IL17RD: variants seen among roughly 807,000 people sequenced by gnomAD.
IL17RD encodes the protein interleukin-17 receptor D.
In IL17RD, 52 loss-of-function variants were observed where a neutral mutation model predicts 80.5. The ratio of observed to expected loss-of-function variants is 0.65; its 90% CI spans 0.52 to 0.81. The LOEUF (loss-of-function observed/expected upper bound fraction) is 0.81. Ranked by LOEUF, IL17RD falls within the 40% of genes least tolerant of loss-of-function variation. The pLI is 0.00. For missense variants in IL17RD, 1,024 were observed against 955.1 expected (o/e 1.07, Z -0.95); for synonymous variants, 416 against 391.8 (o/e 1.06, Z -0.73).
At position 57,104,333 on chromosome 3, in the gene IL17RD, T is replaced by C. The variant is rs1266089755; in HGVS notation, c.813+9A>G. 2 of 1,589,722 alleles carry C rather than the reference T, an allele frequency of 1.3e-6. No homozygotes were observed. The highest frequency in any genetic ancestry group is 2.2e-5 in the East Asian group (1 of 44,794). On this transcript the variant is annotated intron_variant, in intron 8 of 12. Transcript: ENST00000296318. ...TAGCATTAATAGGGCTTTCTTGTGT[T>C]ATGCATACCTCAATTATATAATCCC...
At position 57,098,071 on chromosome 3, in the gene IL17RD, G is replaced by A. The variant is rs1479989426; in HGVS notation, c.1632C>T (p.Val544=). ...FRSKSGRSLY[V]AICNMHQFID... ...TAAACTGGTGCATGTTGCAAATGGC[G>A]ACGTATAGGGACCGGCCTGACTTGC... The change falls in exon 12 of 13, where the codon GTC becomes GTT. Residue 544 remains valine (V), a synonymous_variant. Transcript: ENST00000296318. The A allele has an allele frequency of 1.9e-6, 3 of 1,613,980 alleles. No homozygotes were observed. The highest frequency in any genetic ancestry group is 2.2e-5 in the South Asian group (2 of 91,074).
intron 10 of IL17RD, 57 bp from the exon 11 acceptor site, chr3:57,101,420 C>T (rs1013763552): frequency 1.5e-5 from 18 of 1,211,724 alleles, no homozygotes; most frequent in Non-Finnish European, 2.1e-5. Context: ...GTTCTATTTC[C>T]TAAGAATTGA....
At chr3:57,135,196 G>A (rs1368997903) in intron 1 of IL17RD, among the ~76,000 whole-genome samples, 2 of 152,216 alleles carry the variant, frequency 1.3e-5, no homozygotes, top group Non-Finnish European at 2.9e-5. Context: ...AAGCTGTCAG[G>A]TGAGCAGCAC....
chr3:57,125,181 C>T (rs537728407), intron 1 of IL17RD, among the ~76,000 whole-genome samples: 25 of 152,164 alleles, frequency 1.6e-4, no homozygotes, highest in East Asian at 1.9e-4. Context: ...CCAAGGCGGC[C>T]GGATCACCCG....
intron 1 of IL17RD, among the ~76,000 whole-genome samples, chr3:57,159,115 T>C (rs906740347): frequency 6.8e-6 from 1 of 147,804 alleles, no homozygotes; most frequent in African/African-American, 2.5e-5. Flanking sequence ...ACAATGTCGA[T>C]ATCTCTTCTT....
rs556415066 is a variant in IL17RD at position 57,155,816 on chromosome 3, C to T, written c.126+9345G>A. On this transcript the variant is annotated intron_variant, in intron 1 of 12. Transcript: ENST00000296318. ...ATGTTGGCCAGGCTGGTCTTGAACTCCTGACCTCAGGTGATCCGCCTGCCT... is the reference window on the plus strand; with the variant it reads ...ATGTTGGCCAGGCTGGTCTTGAACTTCTGACCTCAGGTGATCCGCCTGCCT... 2.0e-5 allele frequency among the ~76,000 whole-genome samples: 3 copies of T among 152,262 alleles called. No individual in the cohort carries two copies. The East Asian group carries it at 5.8e-4, about 29-fold the overall frequency.
intron 9 of IL17RD, 109 bp from the exon 10 acceptor site, chr3:57,102,698 T>C (rs1467270861): frequency 1.2e-5 from 6 of 503,232 alleles, no homozygotes; most frequent in African/African-American, 9.7e-5. Context: ...TCTAGGACCA[T>C]GCAACCACCT....
At chr3:57,166,446 A>G (rs2060348466), upstream of IL17RD, among the ~76,000 whole-genome samples, 1 of 152,156 alleles carries the variant, frequency 6.6e-6, no homozygotes, top group Non-Finnish European at 1.5e-5. Flanking sequence ...GGTAACAGTG[A>G]GCTATGATCC....
intron 10 of IL17RD, 99 bp from the exon 11 acceptor site, chr3:57,101,462 C>A: frequency 1.4e-6 from 1 of 732,136 alleles, no homozygotes; most frequent in East Asian, 2.7e-5. Context: ...AAGAACACGT[C>A]TACCTAGAGC....
intron 1 of IL17RD, among the ~76,000 whole-genome samples, chr3:57,132,245 G>T (rs537856279): frequency 1.4e-4 from 21 of 151,960 alleles, no homozygotes; most frequent in Admixed American, 9.2e-4. Context: ...GGCCGAAGTT[G>T]GGGGATCACA....
intron 11 of IL17RD, among the ~76,000 whole-genome samples, chr3:57,099,000 A>G (rs1305967015): frequency 6.6e-6 from 1 of 152,212 alleles, no homozygotes; most frequent in Non-Finnish European, 1.5e-5. Flanking sequence ...GAGGATGTGG[A>G]TGAGTGACTC....
rs1397702793 is a variant in IL17RD at position 57,105,581 on chromosome 3, A to C, written c.747+276T>G. On this transcript the variant is annotated intron_variant, in intron 7 of 12. Transcript: ENST00000296318. Reference sequence around the variant, plus strand: ...TATATATATATATATTTGTTCATACATATATATGAACAAATGAGAAATACT... The same window carrying C: ...TATATATATATATATTTGTTCATACCTATATATGAACAAATGAGAAATACT... 3.4e-5 allele frequency among the ~76,000 whole-genome samples: 5 copies of C among 145,028 alleles called. No individual in the cohort carries two copies. In the East Asian group the frequency reaches 9.7e-4, roughly 28 times the overall value.
intron 11 of IL17RD, among the ~76,000 whole-genome samples, chr3:57,098,850 C>A (rs1706762679): frequency 6.6e-6 from 1 of 152,250 alleles, no homozygotes; most frequent in Non-Finnish European, 1.5e-5. Context: ...GCCCAAGTCA[C>A]ACCCTACATA....
intron 1 of IL17RD, among the ~76,000 whole-genome samples, chr3:57,152,520 G>A (rs200776960): frequency 1.3e-5 from 2 of 152,186 alleles, no homozygotes; most frequent in South Asian, 2.1e-4. Flanking sequence ...CTGCGCCCTC[G>A]TAGTCTCTCT....
At chr3:57,114,306 C>CT (rs1298378932) in intron 3 of IL17RD, among the ~76,000 whole-genome samples, 8 of 152,132 alleles carry the variant, frequency 5.3e-5, no homozygotes, top group African/African-American at 1.9e-4. Context: ...GCTGGCATGT[C>CT]TCTGTGTCCG....
At position 57,157,972 on chromosome 3, in the gene IL17RD, C is replaced by G. The variant is rs145439678; in HGVS notation, c.126+7189G>C. 2.1e-3 allele frequency among the ~76,000 whole-genome samples: 326 copies of G among 152,192 alleles called. 2 individuals are homozygous for G. The highest frequency in any genetic ancestry group is 7.6e-3 in the African/African-American group (314 of 41,532). The stretch of plus-strand genomic sequence containing the variant: ...ACCAAACAGAACACTTGGAAAAACT[C>G]CTAGTTTTGAAGGCAATAAAGTACT... On this transcript the variant is annotated intron_variant, in intron 1 of 12. Coordinates refer to ENST00000296318, the MANE Select transcript of IL17RD (RefSeq NM_017563.5).
At chr3:57,103,198 TAAG>T (rs1706877481) in intron 8 of IL17RD, 53 bp from the exon 9 acceptor site, 6 of 1,454,518 alleles carry the variant, frequency 4.1e-6, no homozygotes, top group African/African-American at 1.4e-5. Context: ...ATATACCAGG[TAAG>T]TGGAAAAAAA....
chr3:57,162,726 C>A (rs1213818551), intron 1 of IL17RD, among the ~76,000 whole-genome samples: 4 of 152,128 alleles, frequency 2.6e-5, no homozygotes, highest in African/African-American at 7.2e-5. Flanking sequence ...AGCAGGAAGG[C>A]AGCAGGGTCT....
In IL17RD at chr3:57,145,923, G is replaced by A. The variant is rs35829520; in HGVS notation, c.126+19238C>T. On this transcript the variant is annotated intron_variant, in intron 1 of 12. Transcript: ENST00000296318. Reference sequence around the variant, plus strand: ...CAGGGTGGCTTCTAGCCCAAGATCGGGATTTTTTTTAAACTCCAATAAAAC... The same window carrying A: ...CAGGGTGGCTTCTAGCCCAAGATCGAGATTTTTTTTAAACTCCAATAAAAC... Among the ~76,000 whole-genome samples, 605 of 152,096 alleles carry A rather than the reference G, an allele frequency of 4.0e-3. 3 individuals carry two copies. Among genetic ancestry groups the A allele is most frequent in the African/African-American group, 0.014 (572 of 41,498 alleles).
Sources: gnomAD v4.1 joint callset for allele counts (sites outside exome capture counted in the v4.1 genomes callset) on GRCh38, gnomAD v4.1.1 for gene constraint, MANE v1.5 for transcripts, NCBI Gene and HGNC (gene_info 2026-07-23, HGNC 2026-07-21) for gene names.